ADAMTS7: variants seen among roughly 807,000 people sequenced by gnomAD.
ADAMTS7 encodes ADAM metallopeptidase with thrombospondin type 1 motif 7.
A neutral mutation model predicts 172.6 loss-of-function variants in ADAMTS7; 89 were observed. The ratio of observed to expected loss-of-function variants is 0.52; its 90% CI spans 0.43 to 0.61. The LOEUF is 0.61. Among genes scored for constraint, ADAMTS7 ranks in the 20% least tolerant of loss-of-function variants. ADAMTS7 has a pLI of 0.00. For missense variants in ADAMTS7, 1,973 were observed against 2,355.6 expected, an observed-to-expected ratio of 0.84 and a Z score of 3.36; for synonymous variants, 885 against 978.4, an observed-to-expected ratio of 0.90 and a Z score of 1.78.
At chr15:78,777,700 C>T in intron 8 of ADAMTS7, 112 bp from the exon 9 acceptor site, 12 of 1,342,816 alleles carry the variant, frequency 8.9e-6, no homozygotes, top group Non-Finnish European at 1.2e-5. Flanking sequence ...AGCCCTACAA[C>T]TGTAGGAAAC....
At position 78,759,275 on chromosome 15, in the gene ADAMTS7, T is replaced by A. The variant is rs1233545248; in HGVS notation, c.*146A>T. The A allele has an allele frequency of 1.5e-6, 1 of 658,966 alleles. No homozygotes were observed. Among genetic ancestry groups the A allele is most frequent in the Non-Finnish European group, 2.4e-6 (1 of 422,458 alleles). 40.8% of individuals were successfully genotyped at this position (658,966 alleles called of 1,614,324 possible). On this transcript the variant is annotated 3_prime_UTR_variant, in exon 24 of 24. Coordinates refer to ENST00000388820, the MANE Select transcript of ADAMTS7 (RefSeq NM_014272.5). The stretch of plus-strand genomic sequence containing the variant: ...TACACAAACTGTTAGAATAAAAAAA[T>A]ACCTTTTTTGAGGGGGAGGAGGTCC...
chr15:78,760,630 C>G (rs34115022), intron 23 of ADAMTS7, among the ~76,000 whole-genome samples: 35,964 of 152,154 alleles, frequency 0.24, 4,959 homozygotes, highest in Non-Finnish European at 0.33. Flanking sequence ...TGGATGTGGC[C>G]ATGCTGTGTC....
In ADAMTS7 at chr15:78,793,276, T is replaced by C. The variant is rs879090092; in HGVS notation, c.820-2053A>G. Among the ~76,000 whole-genome samples the C allele has an allele frequency of 2.6e-5, 4 of 152,158 alleles. No homozygotes were observed. In the South Asian group the frequency reaches 8.3e-4, roughly 31 times the overall value. On this transcript the variant is annotated intron_variant, in intron 4 of 23. Transcript: ENST00000388820. ...CTAAGTTTGGGGAATGCTGCCTGCC[T>C]ATTCTGTTGGGGATTCTCAATGCAT... is the stretch of plus-strand genomic sequence containing the variant.
rs1387181199 is a variant in ADAMTS7, at chr15:78,790,681, G to A, written c.1017C>T (p.Ile339=). 6.2e-7 allele frequency: 1 copy of A among 1,613,636 alleles called. No individual in the cohort carries two copies. The highest frequency in any genetic ancestry group is 1.3e-5 in the African/African-American group (1 of 74,900). ...DAHPLHHDTA[I]LLTRKDLCAA... is the part of the protein sequence containing the mutation. ...TGCGGCTGCAGTACCTGGTGAGCAG[G>A]ATGGCAGTGTCATGGTGCAGGGGAT... Residue 339 remains isoleucine, a synonymous_variant, in exon 6 of 24, where the codon ATC becomes ATT. Transcript: ENST00000388820.
chr15:78,764,163 A>C, intron 20 of ADAMTS7, 64 bp from the exon 21 acceptor site: 1 of 1,438,564 alleles, frequency 7.0e-7, no homozygotes, highest in East Asian at 2.6e-5. Context: ...TGACCCCGTG[A>C]GGTGTGTGGC....
chr15:78,777,202 G>GT, intron 9 of ADAMTS7: 1 of 604,718 alleles, frequency 1.7e-6, no homozygotes, highest in Non-Finnish European at 2.9e-6. Flanking sequence ...CCAGAGAGGC[G>GT]AAGGGACTTG....
chr15:78,794,187 C>T (rs550949265), intron 4 of ADAMTS7, among the ~76,000 whole-genome samples: 106 of 152,180 alleles, frequency 7.0e-4, no homozygotes, highest in African/African-American at 2.5e-3. Flanking sequence ...TGCAGTGAGC[C>T]GAGATTGTGC....
chr15:78,761,564 G>A (rs2055043283), intron 23 of ADAMTS7, among the ~76,000 whole-genome samples: 1 of 152,232 alleles, frequency 6.6e-6, no homozygotes, highest in African/African-American at 2.4e-5. Context: ...CAAGGATGGG[G>A]CTTGGCAGCC....
rs1293944208 is a variant in ADAMTS7 at position 78,759,345 on chromosome 15, C to T, written c.*76G>A. The stretch of plus-strand genomic sequence containing the variant: ...TGAGAGGGGGTTAGCACCATTAGGG[C>T]GCAGGGGGCGGGAGCTCCGCCACAG... On this transcript the variant is annotated 3_prime_UTR_variant, in exon 24 of 24. Transcript: ENST00000388820. 1.4e-5 allele frequency: 20 copies of T among 1,441,534 alleles called. No homozygotes were observed. Among genetic ancestry groups the T allele is most frequent in the South Asian group, 1.2e-4 (9 of 72,860 alleles). The allele number at this position is 1,441,534 out of a possible 1,614,324, so 89.3% of individuals were successfully genotyped here.
In ADAMTS7 at chr15:78,766,631, G is replaced by A. The variant is rs534178213; in HGVS notation, c.3280C>T (p.Arg1094Trp). Residue 1094 changes from arginine (R) to tryptophan (W), a missense_variant, in exon 19 of 24, where the codon CGG becomes TGG. By Grantham distance (101) the Arg-to-Trp change is moderately radical (BLOSUM62 -3). Around this residue, in one of 8 missense-constraint regions of ADAMTS7, gnomAD observed 771 missense variants for 952.6 expected, o/e 0.81. Transcript: ENST00000388820. Reference protein sequence around the residue: ...PDLDLAGTGDRTPPPHSHPAA... With the variant: ...PDLDLAGTGDWTPPPHSHPAA... ...GGATGGCTGTGTGGTGGGGGTGTCC[G>A]GTCCCCTGTCCCCGCCAGGTCTAGA... The A allele has an allele frequency of 3.7e-5, 59 of 1,609,228 alleles. No homozygotes were observed. Among genetic ancestry groups the A allele is most frequent in the Admixed American group, 1.5e-4 (9 of 59,820 alleles).
rs768062348 is a variant in ADAMTS7, at chr15:78,771,409, G to A, written c.2377-106C>T. Reference sequence around the variant, plus strand: ...TCTGTGAACTGCAGCTACAAGATTGGGCCATTTTAAAGATGGGGAAACTGA... The same window carrying A: ...TCTGTGAACTGCAGCTACAAGATTGAGCCATTTTAAAGATGGGGAAACTGA... On this transcript the variant is annotated intron_variant, in intron 15 of 23. Coordinates refer to ENST00000388820, the MANE Select transcript of ADAMTS7 (RefSeq NM_014272.5). The surrounding 1 kb of genome is among the most constrained non-coding windows in gnomAD (Gnocchi z 4.9). 1 of 1,574,986 alleles carries A rather than the reference G, an allele frequency of 6.3e-7. No homozygotes were observed. The highest frequency in any genetic ancestry group is 1.8e-5 in the Admixed American group (1 of 56,084).
intron 8 of ADAMTS7, 79 bp downstream of exon 8, chr15:78,788,152 A>G: frequency 3.8e-6 from 6 of 1,570,344 alleles, no homozygotes; most frequent in Non-Finnish European, 3.5e-6. Flanking sequence ...CCGGCCCTGC[A>G]GTATGACTGT....
chr15:78,777,521 G>A lies in ADAMTS7; in HGVS notation c.1390C>T (p.Pro464Ser), dbSNP rs778740045. ...TGGCTTACATCATAGAGGACGCCAGGTGGCACCGAGGGGAAGTCGATAATG... is the reference window on the plus strand; with the variant it reads ...TGGCTTACATCATAGAGGACGCCAGATGGCACCGAGGGGAAGTCGATAATG... ...KDIIDFPSVP[P>S]GVLYDVSHQC... The change falls in exon 9 of 24, where the codon CCT becomes TCT. Residue 464 changes from proline to serine, a missense_variant. Coordinates refer to ENST00000388820, the MANE Select transcript of ADAMTS7 (RefSeq NM_014272.5). 6.2e-7 allele frequency: 1 copy of A among 1,611,268 alleles called. No individual in the cohort carries two copies. Among genetic ancestry groups the A allele is most frequent in the South Asian group, 1.1e-5 (1 of 90,292 alleles).
chr15:78,782,366 C>A (rs2141498456), intron 8 of ADAMTS7, among the ~76,000 whole-genome samples: 1 of 147,918 alleles, frequency 6.8e-6, no homozygotes, highest in South Asian at 2.2e-4. Context: ...AAACTCTTCT[C>A]TGCTTCCAAT....
intron 22 of ADAMTS7, among the ~76,000 whole-genome samples, chr15:78,763,461 G>A (rs1309601198): frequency 6.6e-6 from 1 of 152,116 alleles, no homozygotes; most frequent in East Asian, 1.9e-4. Context: ...CTCCTCCCTC[G>A]GGTCTCAACC....
At position 78,790,625 on chromosome 15, in the gene ADAMTS7, G is replaced by T. The variant is rs371131731; in HGVS notation, c.1028+45C>A. 2.5e-6 allele frequency: 4 copies of T among 1,606,538 alleles called. No individual in the cohort carries two copies. The African/African-American group carries it at 5.3e-5, about 21-fold the overall frequency. On this transcript the variant is annotated intron_variant, in intron 6 of 23. Transcript: ENST00000388820. ...AGGGCTTCTTCTGCAGGGCCGGGAA[G>T]CACCTCCTGAGATGCAGGCTCCCAC... is the stretch of plus-strand genomic sequence containing the variant.
rs1172579527 is a variant in ADAMTS7, at chr15:78,767,310, T to C, written c.2859+69A>G. ...CCACCCACAAGGTCTCCAGGAAGGC[T>C]GTCTGCCTCCCTGTAGCTGAAGACC... On this transcript the variant is annotated intron_variant, in intron 18 of 23. Transcript: ENST00000388820. 5.8e-6 allele frequency: 9 copies of C among 1,560,158 alleles called. No homozygotes were observed. The East Asian group carries it at 1.8e-4, about 32-fold the overall frequency.
rs747684452 is a variant in ADAMTS7 at position 78,777,472 on chromosome 15, G to C, written c.1439C>G (p.Ala480Gly). The change falls in exon 9 of 24, where the codon GCC becomes GGC. Residue 480 changes from alanine (A) to glycine (G), a missense_variant. Transcript: ENST00000388820. ...VSHQCRLQYG[A>G]YSAFCEDMDN... ...CATGTCCTCGCAGAAGGCAGAGTAGGCCCCGTACTGGAGGCGGCACTGGTG... is the reference window on the plus strand; with the variant it reads ...CATGTCCTCGCAGAAGGCAGAGTAGCCCCCGTACTGGAGGCGGCACTGGTG... The C allele has an allele frequency of 6.2e-7, 1 of 1,613,100 alleles. No individual in the cohort carries two copies. Among genetic ancestry groups the C allele is most frequent in the Non-Finnish European group, 8.5e-7 (1 of 1,179,674 alleles).
chr15:78,765,711 T>C lies in ADAMTS7; in HGVS notation c.4200A>G (p.Glu1400=). 6.2e-7 allele frequency: 1 copy of C among 1,610,632 alleles called. No individual in the cohort carries two copies. The highest frequency in any genetic ancestry group is 1.1e-5 in the South Asian group (1 of 90,952). ...CCAACGGGTCCGCGGGGGGCCCCGC[T>C]TCAGCCAGGCTGGGAGCCAGCGGCT... ...ETQPLAPSLA[E]AGPPADPLVV... is the part of the protein sequence containing the mutation. The change falls in exon 19 of 24, where the codon GAA becomes GAG. Residue 1400 remains glutamate, a synonymous_variant. Transcript: ENST00000388820.
Sources: gnomAD v4.1 joint callset for allele counts (sites outside exome capture counted in the v4.1 genomes callset) on GRCh38, gnomAD v4.1.1 for gene constraint, gnomAD v4.1.1 regional missense constraint, Gnocchi (gnomAD v3.1) non-coding constraint, MANE v1.5 for transcripts, NCBI Gene and HGNC (gene_info 2026-07-23, HGNC 2026-07-21) for gene names.